CCDC18: variants seen among roughly 807,000 people sequenced by gnomAD.
CCDC18 encodes coiled-coil domain containing 18.
A neutral mutation model predicts 196.0 loss-of-function variants in CCDC18; 157 were observed. The observed-to-expected ratio is 0.80, with a 90% CI of 0.70 to 0.91. The LOEUF is 0.91. Among genes scored for constraint, CCDC18 ranks in the 40% least tolerant of loss-of-function variants. The probability of loss-of-function intolerance (pLI) is 0.00; values close to 1 mark genes in which losing one functional copy is unlikely to be tolerated. For synonymous variants in CCDC18, 482 were observed against 529.2 expected, an observed-to-expected ratio of 0.91 and a Z score of 1.22; for missense variants, 1,465 against 1,611.6, an observed-to-expected ratio of 0.91 and a Z score of 1.56.
At chr1:93,187,719 T>A (rs548037850) in intron 4 of CCDC18, among the ~76,000 whole-genome samples, 124 of 152,242 alleles carry the variant, frequency 8.1e-4, no homozygotes, top group African/African-American at 2.9e-3. Flanking sequence ...ATAAAACTTC[T>A]TTGGTGTTTG....
At position 93,270,757 on chromosome 1, in the gene CCDC18, CA is replaced by C; in HGVS notation, c.4299del (p.Glu1434LysfsTer2). 1 of 1,548,388 alleles carries C rather than the reference CA, an allele frequency of 6.5e-7. No individual in the cohort carries two copies. The highest frequency in any genetic ancestry group is 1.2e-5 in the South Asian group (1 of 83,754). ...TLSGMLRYIN[K>X]EVRLLKKSSM... ...TTAGTGGGATGCTAAGATACATAAA[CA>C]AAGAAGTAAGACTATTAAAAAAGTC... On this transcript the variant is annotated frameshift_variant, in exon 28 of 29. Transcript: ENST00000690025. LOFTEE classifies it high-confidence loss of function.
At chr1:93,235,720 G>T (rs1557669706) in intron 18 of CCDC18, among the ~76,000 whole-genome samples, 1 of 152,090 alleles carries the variant, frequency 6.6e-6, no homozygotes, top group Non-Finnish European at 1.5e-5. Context: ...ATAGTAGTAT[G>T]AAGTTCCTGA....
At chr1:93,232,141 T>C (rs925381915) in intron 17 of CCDC18, among the ~76,000 whole-genome samples, 1 of 152,210 alleles carries the variant, frequency 6.6e-6, no homozygotes, top group Non-Finnish European at 1.5e-5. Flanking sequence ...AAGGAAGGCA[T>C]GTTTCAGTGC....
chr1:93,194,219 T>C (rs1652328630), intron 6 of CCDC18, among the ~76,000 whole-genome samples: 1 of 152,156 alleles, frequency 6.6e-6, no homozygotes, highest in Admixed American at 6.5e-5. Context: ...TACAAAAATA[T>C]CTATTTTGTA....
At chr1:93,192,580 C>T (rs1366131813) in intron 5 of CCDC18, among the ~76,000 whole-genome samples, 7 of 152,170 alleles carry the variant, frequency 4.6e-5, no homozygotes, top group Non-Finnish European at 8.8e-5. Flanking sequence ...TACAGGCACG[C>T]ACCCACTGTG....
rs1186257579 is a variant in CCDC18 at position 93,243,683 on chromosome 1, A to G, written c.2982-2422A>G. 2.6e-5 allele frequency among the ~76,000 whole-genome samples: 4 copies of G among 152,332 alleles called. No homozygotes were observed. In the East Asian group the frequency reaches 5.8e-4, roughly 22 times the overall value. ...TTTCTTCCACCAGATACGCTAAATC[A>G]TCTCTCCGAAGTTCAAAATTCCACA... On this transcript the variant is annotated intron_variant, in intron 21 of 28. Coordinates refer to ENST00000690025, the MANE Select transcript of CCDC18 (RefSeq NM_001378204.1).
chr1:93,238,363 A>G (rs538846942), intron 19 of CCDC18, among the ~76,000 whole-genome samples: 1 of 152,278 alleles, frequency 6.6e-6, no homozygotes, highest in East Asian at 1.9e-4. Context: ...TCTTCTATAC[A>G]TAGATGTATA....
intron 4 of CCDC18, chr1:93,190,847 A>G: frequency 1.4e-6 from 1 of 724,770 alleles, no homozygotes; most frequent in Admixed American, 1.7e-5. Flanking sequence ...GGCTCAGTGC[A>G]CTCAAGCCTT....
At chr1:93,189,257 T>C (rs115960459) in intron 4 of CCDC18, among the ~76,000 whole-genome samples, 3,489 of 152,318 alleles carry the variant, frequency 0.023, 71 homozygotes, top group Non-Finnish European at 0.033. Context: ...TTATTTTACT[T>C]AACATAATGA....
intron 26 of CCDC18, among the ~76,000 whole-genome samples, chr1:93,264,269 C>T: frequency 6.6e-6 from 1 of 152,116 alleles, no homozygotes; most frequent in South Asian, 2.1e-4. Context: ...AAGATGAAGC[C>T]TGGATGGGGA....
At chr1:93,225,567 A>G (rs1658136940) in intron 16 of CCDC18, among the ~76,000 whole-genome samples, 1 of 152,188 alleles carries the variant, frequency 6.6e-6, no homozygotes, top group African/African-American at 2.4e-5. Context: ...ACCTGAGGTC[A>G]GGAGTTTAAG....
chr1:93,209,249 C>T lies in CCDC18; in HGVS notation c.1210-1553C>T, dbSNP rs139134670. ...CTGGGATTACAGGCATGAGCCACCA[C>T]GCCTGGCCTAAAATGTTTTTATAAT... is the stretch of plus-strand genomic sequence containing the variant. On this transcript the variant is annotated intron_variant, in intron 9 of 28. Coordinates refer to ENST00000690025, the MANE Select transcript of CCDC18 (RefSeq NM_001378204.1). 2.2e-4 allele frequency among the ~76,000 whole-genome samples: 34 copies of T among 152,192 alleles called. No homozygotes were observed. The East Asian group carries it at 5.8e-3, about 26-fold the overall frequency.
At chr1:93,197,755 T>C (rs999886569) in intron 6 of CCDC18, among the ~76,000 whole-genome samples, 6 of 135,140 alleles carry the variant, frequency 4.4e-5, no homozygotes, top group African/African-American at 1.7e-4. Context: ...CTTTTTTTTT[T>C]TTTTTTTTTT....
chr1:93,221,972 T>A, intron 16 of CCDC18, 36 bp downstream of exon 16: 6 of 231,480 alleles, frequency 2.6e-5, no homozygotes, highest in South Asian at 9.1e-5. Flanking sequence ...CTTTCTTTCC[T>A]TTTTTTTTTT....
chr1:93,234,933 A>ATGTGTGTGTGTGTGTGTG (rs1570495120), intron 18 of CCDC18, among the ~76,000 whole-genome samples: 1 of 55,834 alleles, frequency 1.8e-5, no homozygotes, highest in Non-Finnish European at 3.3e-5. Context: ...ATGCCCAGCT[A>ATGTGTGTGTGTGTGTGTG]AGAGTGTGTG....
chr1:93,207,384 A>G lies in CCDC18; in HGVS notation c.1195A>G (p.Ile399Val). Residue 399 changes from isoleucine (I) to valine (V), a missense_variant, in exon 9 of 29, where the codon ATA becomes GTA. Transcript: ENST00000690025. Reference sequence around the variant, plus strand: ...AGAACTAAGAAGTTTGGAAAAGATTATATCCCAGTTGCCAGTAAGTATGTG... The same window carrying G: ...AGAACTAAGAAGTTTGGAAAAGATTGTATCCCAGTTGCCAGTAAGTATGTG... ...RVELRSLEKI[I>V]SQLPLKRELF... 6.3e-7 allele frequency: 1 copy of G among 1,593,666 alleles called. No individual in the cohort carries two copies. The highest frequency in any genetic ancestry group is 8.6e-7 in the Non-Finnish European group (1 of 1,169,308).
Position 93,186,430 on chromosome 1 carries a change from T to A in CCDC18, c.389T>A (p.Leu130Ter). ...AAACTTAGGCAACAGAATGCTTGTT[T>A]GGTCACACAGAATCATTCCTTAATG... ...LNKLRQQNAC[L>*]VTQNHSLMTK... Residue 130 changes from leucine (L) to a stop codon, truncating the protein, a stop_gained, in exon 4 of 29, where the codon TTG (leucine) becomes TAG (stop). Transcript: ENST00000690025. LOFTEE classifies it high-confidence loss of function. 6.2e-7 allele frequency: 1 copy of A among 1,612,100 alleles called. No homozygotes were observed.
At chr1:93,255,134 G>T (rs528276110) in intron 24 of CCDC18, among the ~76,000 whole-genome samples, 1 of 151,772 alleles carries the variant, frequency 6.6e-6, no homozygotes, top group Non-Finnish European at 1.5e-5. Flanking sequence ...TGTATTTTTA[G>T]TAGAGATGGT....
chr1:93,197,271 A>G (rs1652876726), intron 6 of CCDC18, among the ~76,000 whole-genome samples: 1 of 152,154 alleles, frequency 6.6e-6, no homozygotes, highest in African/African-American at 2.4e-5. Context: ...GAACAAGAAA[A>G]TGGGCATCAG....
Sources: gnomAD v4.1 joint callset for allele counts (sites outside exome capture counted in the v4.1 genomes callset) on GRCh38, gnomAD v4.1.1 for gene constraint, MANE v1.5 for transcripts, NCBI Gene and HGNC (gene_info 2026-07-23, HGNC 2026-07-21) for gene names.